MCM9: variants seen among roughly 807,000 people sequenced by gnomAD.
MCM9 encodes the protein minichromosome maintenance 9 homologous recombination repair factor.
MCM9 carries 55 observed loss-of-function variants against 72.8 expected under a neutral mutation model. That is an observed-to-expected ratio of 0.76 (90% CI 0.61 to 0.95). MCM9 has a LOEUF of 0.95. MCM9 is among the 40% of genes least tolerant of loss of function. The pLI, the probability that MCM9 is intolerant of heterozygous loss-of-function variation, is 0.00. For synonymous variants in MCM9, 480 were observed against 503.4 expected (o/e 0.95, Z 0.62); for missense variants, 1,279 against 1,377.0 (o/e 0.93, Z 1.13).
At chr6:118,823,149 G>C (rs898735575) in intron 13 of MCM9, among the ~76,000 whole-genome samples, 1 of 152,000 alleles carries the variant, frequency 6.6e-6, no homozygotes, top group African/African-American at 2.4e-5. Context: ...GGTGCCACTG[G>C]GGTATGAAAA....
chr6:118,917,391 C>G (rs1781050556), intron 6 of MCM9, among the ~76,000 whole-genome samples, 170 bp downstream of exon 6: 1 of 152,002 alleles, frequency 6.6e-6, no homozygotes, highest in Non-Finnish European at 1.5e-5. Flanking sequence ...AAGAGTATGG[C>G]AGAAAAAGGC....
At chr6:118,831,806 C>T (rs968798534) in intron 9 of MCM9, among the ~76,000 whole-genome samples, 1 of 152,098 alleles carries the variant, frequency 6.6e-6, no homozygotes, top group Non-Finnish European at 1.5e-5. Flanking sequence ...AAAATAACTA[C>T]ATTTTTAATA....
At chr6:118,868,157 G>A (rs981531195) in intron 8 of MCM9, among the ~76,000 whole-genome samples, 2 of 152,104 alleles carry the variant, frequency 1.3e-5, no homozygotes, top group African/African-American at 2.4e-5. Flanking sequence ...TTACAGGTGT[G>A]AGCCACTGCA....
At chr6:118,929,493 G>A (rs1782202746) in intron 3 of MCM9, among the ~76,000 whole-genome samples, 1 of 152,060 alleles carries the variant, frequency 6.6e-6, no homozygotes, top group African/African-American at 2.4e-5. Context: ...TACTTTTTCA[G>A]AGAATTGAAA....
intron 3 of MCM9, among the ~76,000 whole-genome samples, chr6:118,929,913 G>A (rs532592133): frequency 1.3e-5 from 2 of 151,986 alleles, no homozygotes; most frequent in Admixed American, 1.3e-4. Flanking sequence ...ATTTATCCTA[G>A]CAAGTGTAAC....
chr6:118,835,100 T>C (rs996851758), intron 9 of MCM9, among the ~76,000 whole-genome samples: 1 of 152,226 alleles, frequency 6.6e-6, no homozygotes, highest in Non-Finnish European at 1.5e-5. Context: ...ATTTATTACA[T>C]GAGGAATAAT....
chr6:118,883,710 C>T (rs1041739345), intron 8 of MCM9, among the ~76,000 whole-genome samples: 7 of 150,996 alleles, frequency 4.6e-5, no homozygotes, highest in African/African-American at 1.2e-4. Context: ...AAAAAAAAAT[C>T]GAACCCGGAG....
At chr6:118,883,823 A>G (rs756254668) in intron 8 of MCM9, among the ~76,000 whole-genome samples, 7 of 152,230 alleles carry the variant, frequency 4.6e-5, no homozygotes, top group Non-Finnish European at 8.8e-5. Flanking sequence ...CATGCCTTAA[A>G]AGAATTACTA....
chr6:118,839,480 T>C (rs1775202048), intron 9 of MCM9, among the ~76,000 whole-genome samples: 3 of 152,078 alleles, frequency 2.0e-5, no homozygotes, highest in Non-Finnish European at 2.9e-5. Context: ...GGTGAGGAAT[T>C]GTGGAGGAGA....
At chr6:118,913,728 T>C (rs1288994375) in intron 6 of MCM9, among the ~76,000 whole-genome samples, 1 of 151,984 alleles carries the variant, frequency 6.6e-6, no homozygotes, top group African/African-American at 2.4e-5. Flanking sequence ...GCCTCCTGAG[T>C]AGTTGGGACA....
rs1780270243 is a variant in MCM9 at position 118,907,678 on chromosome 6, T to C, written c.1150+3972A>G. Reference sequence around the variant, plus strand: ...AATACACAGAACTATTTCCCTGAAATTCCGTAAGTACATAGTCAAAACACA... The same window carrying C: ...AATACACAGAACTATTTCCCTGAAACTCCGTAAGTACATAGTCAAAACACA... On this transcript the variant is annotated intron_variant, in intron 8 of 13. Transcript: ENST00000619706. The C allele has an allele frequency of 3.1e-6, 4 of 1,307,136 alleles. No individual in the cohort carries two copies. The Admixed American group carries it at 5.5e-5, about 18-fold the overall frequency. The allele number at this position is 1,307,136 out of a possible 1,614,324, so 81.0% of individuals were successfully genotyped here.
intron 8 of MCM9, among the ~76,000 whole-genome samples, chr6:118,882,110 C>A (rs1778326119): frequency 6.6e-6 from 1 of 152,180 alleles, no homozygotes. Context: ...AGAGGATCTA[C>A]CCTAGGTGTG....
At chr6:118,907,065 G>C (rs1780232484) in intron 8 of MCM9, among the ~76,000 whole-genome samples, 1 of 152,080 alleles carries the variant, frequency 6.6e-6, no homozygotes, top group African/African-American at 2.4e-5. Context: ...ATAGTAGCTT[G>C]TTAAATAAAG....
At chr6:118,878,492 G>A (rs1778081358) in intron 8 of MCM9, among the ~76,000 whole-genome samples, 1 of 151,998 alleles carries the variant, frequency 6.6e-6, no homozygotes, top group African/African-American at 2.4e-5. Flanking sequence ...AAAGAAAATT[G>A]TATAAGCACA....
At chr6:118,930,214 C>T (rs1009120500) in intron 3 of MCM9, among the ~76,000 whole-genome samples, 1 of 152,108 alleles carries the variant, frequency 6.6e-6, no homozygotes, top group Non-Finnish European at 1.5e-5. Context: ...GGGTTCACAC[C>T]ATTCTCCTGC....
At chr6:118,888,717 C>T (rs999288547) in intron 8 of MCM9, among the ~76,000 whole-genome samples, 1 of 152,010 alleles carries the variant, frequency 6.6e-6, no homozygotes, top group African/African-American at 2.4e-5. Context: ...ACGTGGTATA[C>T]CTATACAATG....
chr6:118,828,984 G>A (rs1443617925), intron 10 of MCM9, 64 bp downstream of exon 10: 2 of 1,455,892 alleles, frequency 1.4e-6, no homozygotes, highest in Middle Eastern at 1.8e-4. Flanking sequence ...TTCTTGAAAG[G>A]GAATTTCTTT....
At chr6:118,824,443 G>C (rs1036991644) in intron 13 of MCM9, among the ~76,000 whole-genome samples, 1 of 151,534 alleles carries the variant, frequency 6.6e-6, no homozygotes, top group Non-Finnish European at 1.5e-5. Flanking sequence ...CGAGTAGCTG[G>C]AATTACAGGC....
At chr6:118,835,472 C>T (rs888940828) in intron 9 of MCM9, among the ~76,000 whole-genome samples, 1 of 152,178 alleles carries the variant, frequency 6.6e-6, no homozygotes. Context: ...TTGATTCTTC[C>T]TATCCATGAA....
Sources: allele counts gnomAD v4.1 joint callset (sites outside exome capture counted in the v4.1 genomes callset), GRCh38; gene constraint gnomAD v4.1.1; transcripts MANE v1.5; gene names NCBI Gene and HGNC (gene_info 2026-07-23, HGNC 2026-07-21).